LAMA3: variants seen among roughly 807,000 people sequenced by gnomAD.
LAMA3 encodes laminin subunit alpha-3.
In LAMA3, 281 loss-of-function variants were observed where a neutral mutation model predicts 402.0. The ratio of observed to expected loss-of-function variants is 0.70; its 90% CI spans 0.63 to 0.77. The LOEUF is 0.77. Ranked by LOEUF, LAMA3 falls within the 30% of genes least tolerant of loss-of-function variation. The probability of loss-of-function intolerance (pLI) is 0.00; values close to 1 mark genes in which losing one functional copy is unlikely to be tolerated. For synonymous variants in LAMA3, 1,431 were observed against 1,558.4 expected (o/e 0.92, Z 1.93); for missense variants, 3,840 against 4,215.5 (o/e 0.91, Z 2.47).
At chr18:23,889,972 T>G in intron 41 of LAMA3, 39 bp from the exon 42 acceptor site, 1 of 1,457,362 alleles carries the variant, frequency 6.9e-7, no homozygotes, top group Non-Finnish European at 9.6e-7. Context: ...AAACGATGAG[T>G]TATTTGGGTG....
chr18:23,727,550 T>G (rs1356972485), intron 2 of LAMA3, among the ~76,000 whole-genome samples: 2 of 152,086 alleles, frequency 1.3e-5, no homozygotes, highest in Non-Finnish European at 2.9e-5. Flanking sequence ...GGTCTCCAAC[T>G]TCTGACCTCA....
At chr18:23,880,852 G>A (rs1027143297) in intron 39 of LAMA3, among the ~76,000 whole-genome samples, 18 of 152,126 alleles carry the variant, frequency 1.2e-4, no homozygotes, top group African/African-American at 4.3e-4. Context: ...ACTCCAGCCC[G>A]GGCGACAGCA....
intron 68 of LAMA3, among the ~76,000 whole-genome samples, chr18:23,940,245 C>T (rs942011692): frequency 2.6e-5 from 4 of 152,152 alleles, no homozygotes; most frequent in East Asian, 3.8e-4. Flanking sequence ...AGGACAGAGC[C>T]GGGTAGGAAG....
intron 23 of LAMA3, among the ~76,000 whole-genome samples, chr18:23,828,381 T>C (rs779531742): frequency 1.3e-5 from 2 of 152,232 alleles, no homozygotes; most frequent in Non-Finnish European, 1.5e-5. Context: ...TAATATTTAC[T>C]TGTAACAAGT....
intron 62 of LAMA3, among the ~76,000 whole-genome samples, chr18:23,925,090 A>T (rs1340831390): frequency 6.6e-6 from 1 of 152,198 alleles, no homozygotes; most frequent in African/African-American, 2.4e-5. Flanking sequence ...ATCCACAGCC[A>T]AGCTCTGTAG....
At chr18:23,881,619 T>C (rs1191778524) in intron 39 of LAMA3, among the ~76,000 whole-genome samples, 1 of 152,186 alleles carries the variant, frequency 6.6e-6, no homozygotes, top group African/African-American at 2.4e-5. Flanking sequence ...TAAGTAAAAT[T>C]GATACAATTG....
intron 8 of LAMA3, among the ~76,000 whole-genome samples, chr18:23,764,033 C>T (rs917166378): frequency 3.3e-4 from 50 of 152,212 alleles, no homozygotes; most frequent in African/African-American, 1.1e-3. Context: ...GAGTGTATGG[C>T]GGAAGAGGGC....
intron 2 of LAMA3, among the ~76,000 whole-genome samples, chr18:23,746,335 G>A (rs1221425903): frequency 2.0e-5 from 3 of 152,296 alleles, no homozygotes; most frequent in East Asian, 3.9e-4. Flanking sequence ...TGCCTGAGAG[G>A]AGTGGTTCTC....
At chr18:23,900,948 G>A (rs2081049130) in intron 47 of LAMA3, among the ~76,000 whole-genome samples, 179 bp from the exon 48 acceptor site, 1 of 152,154 alleles carries the variant, frequency 6.6e-6, no homozygotes, top group African/African-American at 2.4e-5. Flanking sequence ...AGTTAAATGA[G>A]GCAACATGTA....
At chr18:23,946,478 T>G in intron 70 of LAMA3, 194 bp downstream of exon 70, 1 of 675,400 alleles carries the variant, frequency 1.5e-6, no homozygotes, top group Non-Finnish European at 2.5e-6. Flanking sequence ...ATTTCTAAGG[T>G]GCAGGTTGAG....
intron 12 of LAMA3, among the ~76,000 whole-genome samples, chr18:23,794,673 G>A (rs1477305586): frequency 6.6e-6 from 1 of 152,168 alleles, no homozygotes; most frequent in Non-Finnish European, 1.5e-5. Context: ...CTAGGTGCAG[G>A]GAGACAGTCA....
intron 14 of LAMA3, among the ~76,000 whole-genome samples, chr18:23,813,592 G>T (rs1407983489): frequency 7.3e-6 from 1 of 137,524 alleles, no homozygotes; most frequent in South Asian, 2.3e-4. Flanking sequence ...CGCCCAGGCC[G>T]GAGTGCAGTG....
chr18:23,695,878 G>A (rs2060678462), intron 1 of LAMA3, among the ~76,000 whole-genome samples: 1 of 138,224 alleles, frequency 7.2e-6, no homozygotes, highest in African/African-American at 2.7e-5. Context: ...TGTGTTGTGT[G>A]TGTCTTACCC....
Position 23,954,924 on chromosome 18 carries a change from A to G in LAMA3, c.*276A>G. ...TTTGGTAATATTAATTTCCACTAAA[A>G]AATTAAATGTCTTTTAAGAAACATT... On this transcript the variant is annotated 3_prime_UTR_variant, in exon 75 of 75. Coordinates refer to ENST00000313654, the MANE Select transcript of LAMA3 (RefSeq NM_198129.4). The G allele has an allele frequency of 2.4e-6, 1 of 414,938 alleles. No individual in the cohort carries two copies. The highest frequency in any genetic ancestry group is 4.4e-6 in the Non-Finnish European group (1 of 228,410). 25.7% of individuals were successfully genotyped at this position (414,938 alleles called of 1,614,324 possible).
intron 18 of LAMA3, 23 bp downstream of exon 18, chr18:23,816,510 C>T: frequency 6.3e-7 from 1 of 1,586,832 alleles, no homozygotes; most frequent in Non-Finnish European, 8.6e-7. Flanking sequence ...GAGGCTTCTT[C>T]CCATGTTCAG....
At chr18:23,822,213 AT>A in intron 19 of LAMA3, 38 bp from the exon 20 acceptor site, 3 of 1,612,382 alleles carry the variant, frequency 1.9e-6, no homozygotes, top group Non-Finnish European at 2.5e-6. Flanking sequence ...TCTTTTAACC[AT>A]TTTTTTCTAT....
chr18:23,915,981 G>C (rs2081597167), intron 59 of LAMA3, among the ~76,000 whole-genome samples: 2 of 120,664 alleles, frequency 1.7e-5, no homozygotes, highest in African/African-American at 3.4e-5. Context: ...ACTCCAGCCT[G>C]GGCGACAGAG....
At chr18:23,905,672 G>T in intron 52 of LAMA3, 48 bp downstream of exon 52, 2 of 1,071,968 alleles carry the variant, frequency 1.9e-6, no homozygotes, top group South Asian at 2.5e-5. Context: ...AGCTTTAAAT[G>T]ACCTCTGGGA....
intron 70 of LAMA3, among the ~76,000 whole-genome samples, chr18:23,949,528 A>G (rs1476075039): frequency 6.6e-6 from 1 of 152,158 alleles, no homozygotes; most frequent in East Asian, 1.9e-4. Context: ...GGCACCTGCA[A>G]TCTTCGACCA....
Sources: allele counts gnomAD v4.1 joint callset (sites outside exome capture counted in the v4.1 genomes callset), GRCh38; gene constraint gnomAD v4.1.1; transcripts MANE v1.5; gene names NCBI Gene and HGNC (gene_info 2026-07-23, HGNC 2026-07-21).